The following NDST3 variants were observed in gnomAD, a reference collection of about 807,000 sequenced individuals.
The protein encoded by NDST3 is bifunctional heparan sulfate N-deacetylase/N-sulfotransferase 3.
In NDST3, 58 loss-of-function variants were observed where a neutral mutation model predicts 96.1. The ratio of observed to expected loss-of-function variants is 0.60; its 90% confidence interval spans 0.49 to 0.75. NDST3 has a LOEUF of 0.75. Among genes scored for constraint, NDST3 ranks in the 30% least tolerant of loss-of-function variants. The probability of loss-of-function intolerance (pLI) is 0.00; values close to 1 mark genes in which losing one functional copy is unlikely to be tolerated. For missense variants in NDST3, 788 were observed against 1,034.2 expected (o/e 0.76, Z 3.27); for synonymous variants, 333 against 359.7 (o/e 0.93, Z 0.84).
intron 6 of NDST3, among the ~76,000 whole-genome samples, chr4:118,162,222 A>C (rs1660115652): frequency 6.6e-6 from 1 of 152,072 alleles, no homozygotes; most frequent in Admixed American, 6.5e-5. Flanking sequence ...GCTACCAATG[A>C]CTTTCTTCAC....
chr4:118,229,140 A>C (rs545895378), intron 8 of NDST3, among the ~76,000 whole-genome samples: 1 of 152,178 alleles, frequency 6.6e-6, no homozygotes, highest in Admixed American at 6.5e-5. Context: ...GTCACTACTA[A>C]AAATACAAAA....
At chr4:118,069,002 G>A (rs893440215) in intron 2 of NDST3, among the ~76,000 whole-genome samples, 6 of 152,002 alleles carry the variant, frequency 3.9e-5, no homozygotes, top group Non-Finnish European at 7.4e-5. Context: ...TTACATGAAG[G>A]GACAGAAACA....
chr4:118,230,764 T>A (rs990472991), intron 8 of NDST3, among the ~76,000 whole-genome samples: 1 of 152,166 alleles, frequency 6.6e-6, no homozygotes, highest in Non-Finnish European at 1.5e-5. Context: ...ATTACTGTTT[T>A]ATTCCCTATA....
rs142897307 is a variant in NDST3 at position 118,209,108 on chromosome 4, T to C, written c.1540-15383T>C. ...GTTAAACACATTTAGAGATGTTTAA[T>C]TTAATGCTCTTCCTATATCTATTAT... On this transcript the variant is annotated intron_variant, in intron 6 of 13. Transcript: ENST00000296499. 3.9e-4 allele frequency among the ~76,000 whole-genome samples: 59 copies of C among 152,324 alleles called. 1 individual carries two copies. In the East Asian group the frequency reaches 9.3e-3, roughly 24 times the overall value.
At chr4:118,075,209 C>T (rs1034415217) in intron 2 of NDST3, among the ~76,000 whole-genome samples, 2 of 152,232 alleles carry the variant, frequency 1.3e-5, no homozygotes, top group African/African-American at 4.8e-5. Context: ...GCTTCATCCA[C>T]GTCACTACAA....
At chr4:118,135,205 T>A (rs1238352880) in intron 4 of NDST3, among the ~76,000 whole-genome samples, 3 of 152,138 alleles carry the variant, frequency 2.0e-5, no homozygotes, top group African/African-American at 7.2e-5. Flanking sequence ...ACTCACAAGC[T>A]GGAACTACTC....
At chr4:118,141,033 T>A (rs1020369283) in intron 5 of NDST3, among the ~76,000 whole-genome samples, 3 of 152,138 alleles carry the variant, frequency 2.0e-5, no homozygotes, top group Admixed American at 6.5e-5. Context: ...CTCTAAGTGG[T>A]CTTTATTGGT....
intron 8 of NDST3, among the ~76,000 whole-genome samples, chr4:118,231,056 C>T (rs891652794): frequency 3.9e-5 from 6 of 152,082 alleles, no homozygotes; most frequent in Admixed American, 1.3e-4. Flanking sequence ...TATTTAAGGG[C>T]GGGGCACAGT....
intron 6 of NDST3, among the ~76,000 whole-genome samples, chr4:118,195,804 G>A (rs569815475): frequency 2.0e-5 from 3 of 152,174 alleles, no homozygotes; most frequent in Non-Finnish European, 2.9e-5. Context: ...CAAGGATAAC[G>A]TGACTTCTTC....
At chr4:118,121,042 G>C (rs2125873873) in intron 4 of NDST3, among the ~76,000 whole-genome samples, 1 of 151,856 alleles carries the variant, frequency 6.6e-6, no homozygotes, top group East Asian at 1.9e-4. Context: ...CTAAATGCTA[G>C]CCTTGGAATT....
chr4:118,202,749 T>C (rs914826668), intron 6 of NDST3, among the ~76,000 whole-genome samples: 6 of 152,226 alleles, frequency 3.9e-5, no homozygotes, highest in Non-Finnish European at 8.8e-5. Context: ...TATAGAATTA[T>C]GTTATCAGCA....
chr4:118,133,138 T>C (rs1255644290), intron 4 of NDST3, among the ~76,000 whole-genome samples: 1 of 152,182 alleles, frequency 6.6e-6, no homozygotes, highest in African/African-American at 2.4e-5. Context: ...AGGAGTTGCC[T>C]AGGAATTGAA....
chr4:118,232,891 C>T (rs1740401799), intron 8 of NDST3, 121 bp from the exon 9 acceptor site: 1 of 987,348 alleles, frequency 1.0e-6, no homozygotes, highest in Non-Finnish European at 1.5e-6. Context: ...AATTTATTTC[C>T]AGCAGTAGTT....
At chr4:118,254,277 G>C (rs788661) in intron 13 of NDST3, among the ~76,000 whole-genome samples, 124,513 of 149,684 alleles carry the variant, frequency 0.83, 53,512 homozygotes, top group South Asian at 0.95. Context: ...CTATTTTTTT[G>C]ACTGCCTGAG....
intron 6 of NDST3, among the ~76,000 whole-genome samples, chr4:118,151,777 A>G (rs1210917370): frequency 6.6e-6 from 1 of 152,220 alleles, no homozygotes; most frequent in Non-Finnish European, 1.5e-5. Flanking sequence ...AGAGAACTCT[A>G]CCTTAAACTG....
chr4:118,172,971 A>G (rs1736046360), intron 6 of NDST3, among the ~76,000 whole-genome samples: 1 of 152,156 alleles, frequency 6.6e-6, no homozygotes, highest in Non-Finnish European at 1.5e-5. Flanking sequence ...ACTTCTCGCC[A>G]TAACAACTGT....
At chr4:118,039,724 G>A (rs942987766) in intron 1 of NDST3, among the ~76,000 whole-genome samples, 1 of 152,088 alleles carries the variant, frequency 6.6e-6, no homozygotes, top group African/African-American at 2.4e-5. Context: ...AACCAGATGG[G>A]GAAGTGGAGA....
chr4:118,234,833 C>A (rs569716970), intron 9 of NDST3, among the ~76,000 whole-genome samples: 2 of 152,032 alleles, frequency 1.3e-5, no homozygotes, highest in African/African-American at 4.8e-5. Flanking sequence ...AGTTCCAGAC[C>A]AGCCTGGCCA....
At chr4:118,097,056 TA>T (rs1173302085) in intron 2 of NDST3, among the ~76,000 whole-genome samples, 2 of 151,970 alleles carry the variant, frequency 1.3e-5, no homozygotes, top group Non-Finnish European at 2.9e-5. Flanking sequence ...CCACCATCTT[TA>T]GAGAAGGCAA....
Sources: gnomAD v4.1 joint callset for allele counts (sites outside exome capture counted in the v4.1 genomes callset) on GRCh38, gnomAD v4.1.1 for gene constraint, MANE v1.5 for transcripts, NCBI Gene and HGNC (gene_info 2026-07-23, HGNC 2026-07-21) for gene names.